The following DACH1 variants were observed in gnomAD, a reference collection of about 807,000 sequenced individuals.
DACH1 encodes dachshund family transcription factor 1.
DACH1 carries 12 observed loss-of-function variants against 54.2 expected under a neutral mutation model. That is an observed-to-expected ratio of 0.22 (90% CI 0.14 to 0.36). The LOEUF (loss-of-function observed/expected upper bound fraction) is 0.36. DACH1 is among the 10% of genes least tolerant of loss of function. The pLI, the probability that DACH1 is intolerant of heterozygous loss-of-function variation, is 1.00. For synonymous variants in DACH1, 386 were observed against 366.2 expected (o/e 1.05, Z -0.62); for missense variants, 805 against 929.8 (o/e 0.87, Z 1.75).
chr13:71,491,538 C>T (rs897097934), intron 6 of DACH1, among the ~76,000 whole-genome samples: 5 of 151,998 alleles, frequency 3.3e-5, no homozygotes, highest in East Asian at 1.9e-4. Flanking sequence ...TCTTACATAG[C>T]GAAGAGACTA....
intron 1 of DACH1, among the ~76,000 whole-genome samples, chr13:71,794,979 A>G (rs1886983632): frequency 6.6e-6 from 1 of 151,650 alleles, no homozygotes; most frequent in Admixed American, 6.6e-5. Context: ...AGTATACTCA[A>G]ACCATAGCCA....
At chr13:71,661,059 A>G (rs911575374) in intron 2 of DACH1, among the ~76,000 whole-genome samples, 35 of 150,148 alleles carry the variant, frequency 2.3e-4, no homozygotes, top group Admixed American at 6.6e-5. Flanking sequence ...ACAGGGGAAA[A>G]GCAAAAAGAA....
rs113181925 is a variant in DACH1, at chr13:71,596,247, T to C, written c.1127-23235A>G. Among the ~76,000 whole-genome samples, 1,362 of 152,276 alleles carry C rather than the reference T, an allele frequency of 8.9e-3. 9 individuals carry two copies. Among genetic ancestry groups the C allele is most frequent in the Non-Finnish European group, 0.015 (989 of 68,000 alleles). ...ATAGCTTACTTACTATTCCCTTGTT[T>C]TCAGGATTCTTATTCATTAACTGTT... On this transcript the variant is annotated intron_variant, in intron 3 of 10. Coordinates refer to ENST00000613252, the MANE Select transcript of DACH1 (RefSeq NM_080759.6).
chr13:71,723,633 A>T (rs1192537620), intron 1 of DACH1, among the ~76,000 whole-genome samples: 2 of 152,136 alleles, frequency 1.3e-5, no homozygotes, highest in African/African-American at 4.8e-5. Context: ...ATCCCACATC[A>T]ATCCTCTTCT....
At chr13:71,462,373 C>A (rs1416150394) in intron 10 of DACH1, among the ~76,000 whole-genome samples, 1 of 151,662 alleles carries the variant, frequency 6.6e-6, no homozygotes. Flanking sequence ...AAATAAAACT[C>A]CTTGTGCTAT....
chr13:71,822,861 T>C (rs1888243721), intron 1 of DACH1, among the ~76,000 whole-genome samples: 1 of 152,130 alleles, frequency 6.6e-6, no homozygotes, highest in Non-Finnish European at 1.5e-5. Context: ...TTATTAATAA[T>C]TTAACAGTTC....
At chr13:71,652,237 T>C (rs999081733) in intron 2 of DACH1, among the ~76,000 whole-genome samples, 4 of 152,208 alleles carry the variant, frequency 2.6e-5, no homozygotes, top group Admixed American at 1.3e-4. Flanking sequence ...AATTCTAGTA[T>C]AGATTTCAGC....
intron 1 of DACH1, among the ~76,000 whole-genome samples, chr13:71,764,176 G>A (rs1251156841): frequency 6.6e-6 from 1 of 152,018 alleles, no homozygotes; most frequent in Non-Finnish European, 1.5e-5. Flanking sequence ...AAGGTCTCTA[G>A]CTCTAACTTA....
At chr13:71,509,294 G>C (rs2138252914) in intron 6 of DACH1, among the ~76,000 whole-genome samples, 1 of 152,198 alleles carries the variant, frequency 6.6e-6, no homozygotes, top group Non-Finnish European at 1.5e-5. Context: ...GCTAGGTACA[G>C]TGAAACTCAA....
At chr13:71,769,129 T>C (rs1383411354) in intron 1 of DACH1, among the ~76,000 whole-genome samples, 1 of 151,774 alleles carries the variant, frequency 6.6e-6, no homozygotes, top group Non-Finnish European at 1.5e-5. Context: ...TAAGATAGAA[T>C]AGCAACTTGA....
At chr13:71,844,383 A>C (rs1414037242) in intron 1 of DACH1, among the ~76,000 whole-genome samples, 2 of 152,202 alleles carry the variant, frequency 1.3e-5, no homozygotes, top group African/African-American at 2.4e-5. Context: ...AATCATGAGT[A>C]GAAGCAAAAA....
intron 1 of DACH1, among the ~76,000 whole-genome samples, chr13:71,852,237 C>CCT (rs1566543213): frequency 6.6e-6 from 1 of 152,176 alleles, no homozygotes; most frequent in Non-Finnish European, 1.5e-5. Context: ...AGGCTGGAGT[C>CCT]CTGACAGTTC....
chr13:71,798,044 A>G (rs1191617186), intron 1 of DACH1, among the ~76,000 whole-genome samples: 1 of 152,032 alleles, frequency 6.6e-6, no homozygotes, highest in Non-Finnish European at 1.5e-5. Context: ...TAACCGTTTA[A>G]GGGGAACCAA....
At chr13:71,709,047 G>T (rs538275025) in intron 1 of DACH1, among the ~76,000 whole-genome samples, 2 of 151,604 alleles carry the variant, frequency 1.3e-5, no homozygotes, top group Non-Finnish European at 2.9e-5. Flanking sequence ...TAGAGACGGG[G>T]TTTCACCATG....
At chr13:71,577,612 T>C (rs1002318803) in intron 3 of DACH1, among the ~76,000 whole-genome samples, 1 of 152,180 alleles carries the variant, frequency 6.6e-6, no homozygotes, top group Non-Finnish European at 1.5e-5. Context: ...CTTTTGTTCT[T>C]GTTGGAGACC....
chr13:71,640,800 T>C (rs73215215), intron 2 of DACH1, among the ~76,000 whole-genome samples: 2,485 of 152,170 alleles, frequency 0.016, 34 homozygotes, highest in Middle Eastern at 0.048. Context: ...TTCTTGTTAA[T>C]GTATTGGTGA....
At chr13:71,829,292 T>C (rs1036109736) in intron 1 of DACH1, among the ~76,000 whole-genome samples, 1 of 151,926 alleles carries the variant, frequency 6.6e-6, no homozygotes, top group Non-Finnish European at 1.5e-5. Context: ...TGGTAGTTTC[T>C]AGATGCAAAT....
intron 1 of DACH1, among the ~76,000 whole-genome samples, chr13:71,800,144 A>G (rs1887232527): frequency 6.6e-6 from 1 of 152,098 alleles, no homozygotes; most frequent in African/African-American, 2.4e-5. Flanking sequence ...ATTTATAAAA[A>G]GCGAAAGTTG....
At chr13:71,751,549 C>A (rs1005570335) in intron 1 of DACH1, among the ~76,000 whole-genome samples, 4 of 152,144 alleles carry the variant, frequency 2.6e-5, no homozygotes, top group Non-Finnish European at 1.5e-5. Context: ...ATAATTACAT[C>A]TTACATGTTG....
Sources: allele counts gnomAD v4.1 joint callset (sites outside exome capture counted in the v4.1 genomes callset), GRCh38; gene constraint gnomAD v4.1.1; transcripts MANE v1.5; gene names NCBI Gene and HGNC (gene_info 2026-07-23, HGNC 2026-07-21).